Variants in REDIC1 observed in about 807,000 individuals in gnomAD.
REDIC1 encodes HEI10 Interacting Protein 1.
the REDIC1 span, among the ~76,000 whole-genome samples, chr12:39,705,158 A>T: frequency 5.7e-3 from 862 of 152,204 alleles, 8 homozygotes; most frequent in African/African-American, 0.02. Context: ...AGGAATTCAA[A>T]GGATCATTCG....
the REDIC1 span, among the ~76,000 whole-genome samples, chr12:39,633,414 G>A: frequency 6.6e-6 from 1 of 152,128 alleles, no homozygotes; most frequent in South Asian, 2.1e-4. Context: ...CATCTCCTAT[G>A]ATAACAATGC....
the REDIC1 span, among the ~76,000 whole-genome samples, chr12:39,858,471 T>C: frequency 3.7e-3 from 569 of 152,290 alleles, no homozygotes; most frequent in African/African-American, 0.013. Flanking sequence ...TTAACACAAA[T>C]GGAAAGTTGT....
At chr12:39,701,567 C>G in the REDIC1 span, among the ~76,000 whole-genome samples, 1 of 152,108 alleles carries the variant, frequency 6.6e-6, no homozygotes, top group Non-Finnish European at 1.5e-5. Flanking sequence ...AGGAATTGAA[C>G]TCAGCTCTGC....
At chr12:39,653,593 TCTTCTTCTTC>T in the REDIC1 span, among the ~76,000 whole-genome samples, 9 of 131,342 alleles carry the variant, frequency 6.9e-5, no homozygotes, top group African/African-American at 2.5e-4. Context: ...TTCTTCTTCC[TCTTCTTCTTC>T]TTTTTTTTTT....
the REDIC1 span, among the ~76,000 whole-genome samples, chr12:39,826,709 G>A: frequency 1.4e-5 from 2 of 145,442 alleles, no homozygotes; most frequent in Non-Finnish European, 3.0e-5. Context: ...AGCTTCCCAA[G>A]TTTTTTTTTT....
At chr12:39,656,971 G>A in the REDIC1 span, among the ~76,000 whole-genome samples, 1 of 152,122 alleles carries the variant, frequency 6.6e-6, no homozygotes, top group Non-Finnish European at 1.5e-5. Context: ...GCTACAGTAA[G>A]ATAAGGTTAA....
At chr12:39,840,033 TG>T in the REDIC1 span, among the ~76,000 whole-genome samples, 6 of 151,976 alleles carry the variant, frequency 3.9e-5, no homozygotes, top group Non-Finnish European at 7.4e-5. Flanking sequence ...TCTTTTTTTT[TG>T]TTTTGTTTTG....
the REDIC1 span, among the ~76,000 whole-genome samples, chr12:39,894,543 G>T: frequency 3.9e-3 from 592 of 152,294 alleles, 2 homozygotes; most frequent in Non-Finnish European, 6.5e-3. Flanking sequence ...GATTTAGCTT[G>T]CATACTGAAG....
At chr12:39,802,126 T>C in the REDIC1 span, 2 of 152,288 alleles carry the variant, frequency 1.3e-5, no homozygotes. Context: ...GCTGGTTTCA[T>C]GGGTGTGTAA....
the REDIC1 span, among the ~76,000 whole-genome samples, chr12:39,747,947 C>A: frequency 6.6e-5 from 10 of 152,316 alleles, no homozygotes; most frequent in South Asian, 1.9e-3. Flanking sequence ...TGGAAAGGAA[C>A]AACCGGTACC....
At chr12:39,893,713 C>A in the REDIC1 span, among the ~76,000 whole-genome samples, 1 of 152,160 alleles carries the variant, frequency 6.6e-6, no homozygotes, top group African/African-American at 2.4e-5. Context: ...TGTGCTTTTT[C>A]TGGAGTGTGT....
the REDIC1 span, among the ~76,000 whole-genome samples, chr12:39,869,175 C>T: frequency 1.3e-5 from 2 of 152,110 alleles, no homozygotes; most frequent in Admixed American, 6.5e-5. Flanking sequence ...ACAACTAACA[C>T]AGAATCAGTA....
chr12:39,764,217 A>G, the REDIC1 span, among the ~76,000 whole-genome samples: 1 of 151,782 alleles, frequency 6.6e-6, no homozygotes, highest in Non-Finnish European at 1.5e-5. Flanking sequence ...CTGAGTTGGG[A>G]GAGGGGTTGG....
the REDIC1 span, among the ~76,000 whole-genome samples, chr12:39,838,427 C>A: frequency 5.0e-3 from 733 of 145,264 alleles, 5 homozygotes; most frequent in African/African-American, 0.018. Flanking sequence ...ACCAGCATGG[C>A]ACATGTATAC....
chr12:39,708,420 A>G, the REDIC1 span, among the ~76,000 whole-genome samples: 1 of 151,854 alleles, frequency 6.6e-6, no homozygotes, highest in Admixed American at 6.6e-5. Context: ...CTTGCTTTGC[A>G]GAAGACTTAT....
the REDIC1 span, among the ~76,000 whole-genome samples, chr12:39,800,368 G>T: frequency 6.6e-6 from 1 of 151,810 alleles, no homozygotes; most frequent in Admixed American, 6.6e-5. Flanking sequence ...CTAATATCCA[G>T]AATCTACAAT....
the REDIC1 span, among the ~76,000 whole-genome samples, chr12:39,906,355 C>T: frequency 6.6e-6 from 1 of 152,062 alleles, no homozygotes; most frequent in Non-Finnish European, 1.5e-5. Context: ...GTCAGTCCTC[C>T]TGCTGTTTAT....
the REDIC1 span, among the ~76,000 whole-genome samples, chr12:39,751,745 C>T: frequency 2.6e-5 from 4 of 152,142 alleles, no homozygotes; most frequent in Admixed American, 2.0e-4. Flanking sequence ...AGTTCATGTC[C>T]TTTGTAGGGA....
chr12:39,663,584 T>A, the REDIC1 span, among the ~76,000 whole-genome samples: 3 of 152,112 alleles, frequency 2.0e-5, no homozygotes, highest in Non-Finnish European at 4.4e-5. Flanking sequence ...ACATTCAAGG[T>A]TACTCTTGAT....
Sources: allele counts gnomAD v4.1 joint callset (sites outside exome capture counted in the v4.1 genomes callset), GRCh38; gene constraint gnomAD v4.1.1; transcripts MANE v1.5; gene names NCBI Gene and HGNC (gene_info 2026-07-23, HGNC 2026-07-21).